Variants in NME7 observed in about 807,000 individuals in gnomAD.
The protein encoded by NME7 is NME/NM23 family member 7.
NME7 carries 41 observed loss-of-function variants against 49.1 expected under a neutral mutation model. The observed-to-expected ratio is 0.83, with a 90% CI of 0.65 to 1.08. NME7 has a LOEUF of 1.08. Among genes scored for constraint, NME7 ranks in the 50% least tolerant of loss-of-function variants. The probability of loss-of-function intolerance (pLI) is 0.00; values close to 1 mark genes in which losing one functional copy is unlikely to be tolerated. For missense variants in NME7, 423 were observed against 463.4 expected, an observed-to-expected ratio of 0.91 and a Z score of 0.80; for synonymous variants, 139 against 150.6, an observed-to-expected ratio of 0.92 and a Z score of 0.56.
intron 10 of NME7, among the ~76,000 whole-genome samples, chr1:169,171,513 A>C (rs1251274656): frequency 2.0e-5 from 3 of 152,226 alleles, no homozygotes; most frequent in Non-Finnish European, 4.4e-5. Context: ...CTGTAATCCC[A>C]GCACTTTGGG....
rs1647479807 is a variant in NME7, at chr1:169,229,122, TG to T, written c.990+1595del. ...GCATACAAGGAATTCCAATTTCCTA[TG>T]ATATGGGATTCAAATTAAATAGAAT... On this transcript the variant is annotated intron_variant, in intron 10 of 11. Coordinates refer to ENST00000367811, the MANE Select transcript of NME7 (RefSeq NM_013330.5). Among the ~76,000 whole-genome samples the T allele has an allele frequency of 7.2e-5, 11 of 152,358 alleles. No homozygotes were observed. In the South Asian group the frequency reaches 2.3e-3, roughly 32 times the overall value.
intron 3 of NME7, among the ~76,000 whole-genome samples, chr1:169,319,771 C>T (rs1306063165): frequency 6.6e-6 from 1 of 152,146 alleles, no homozygotes; most frequent in Admixed American, 6.5e-5. Context: ...TATTTAACAT[C>T]TACTATAATG....
At chr1:169,185,029 A>T (rs1340823839) in intron 10 of NME7, among the ~76,000 whole-genome samples, 1 of 152,168 alleles carries the variant, frequency 6.6e-6, no homozygotes, top group East Asian at 1.9e-4. Flanking sequence ...AGGGGAGCAC[A>T]AAAGAGGGAA....
chr1:169,287,142 A>G, intron 7 of NME7, 161 bp downstream of exon 7: 1 of 614,414 alleles, frequency 1.6e-6, no homozygotes, highest in South Asian at 2.2e-5. Context: ...AGATTTAGAC[A>G]GATTTTCCCT....
chr1:169,241,102 T>C (rs1648068347), intron 7 of NME7, among the ~76,000 whole-genome samples: 1 of 152,132 alleles, frequency 6.6e-6, no homozygotes, highest in Admixed American at 6.6e-5. Flanking sequence ...CACAAATGCT[T>C]TTCCTTAAAA....
chr1:169,200,520 C>T (rs182170680), intron 10 of NME7, among the ~76,000 whole-genome samples: 28 of 152,204 alleles, frequency 1.8e-4, no homozygotes, highest in Non-Finnish European at 3.5e-4. Context: ...AAGGGCTCCC[C>T]TGTGAGATTG....
At chr1:169,317,544 A>T (rs1651693903) in intron 3 of NME7, among the ~76,000 whole-genome samples, 1 of 152,200 alleles carries the variant, frequency 6.6e-6, no homozygotes, top group South Asian at 2.1e-4. Flanking sequence ...GGCCTCTGTT[A>T]CTGAACTAAG....
intron 11 of NME7, among the ~76,000 whole-genome samples, chr1:169,167,113 A>G (rs991414752): frequency 1.3e-5 from 2 of 152,234 alleles, no homozygotes; most frequent in African/African-American, 4.8e-5. Flanking sequence ...AAGTTCAGAA[A>G]CAGGCAAGGA....
At chr1:169,294,573 G>A (rs1650633426) in intron 6 of NME7, among the ~76,000 whole-genome samples, 1 of 152,074 alleles carries the variant, frequency 6.6e-6, no homozygotes, top group Non-Finnish European at 1.5e-5. Flanking sequence ...AATTTTTTAA[G>A]ACCTGTGGTC....
chr1:169,245,390 C>T (rs1648270071), intron 7 of NME7, among the ~76,000 whole-genome samples: 1 of 152,132 alleles, frequency 6.6e-6, no homozygotes, highest in African/African-American at 2.4e-5. Flanking sequence ...TTTAAAGAAG[C>T]GACCAGGCTG....
At chr1:169,169,105 A>G (rs768044957) in intron 11 of NME7, 1 of 466,850 alleles carries the variant, frequency 2.1e-6, no homozygotes, top group Non-Finnish European at 4.1e-6. Context: ...AAAGCTATGC[A>G]GCATGCTACA....
At chr1:169,215,003 T>C (rs1266504530) in intron 10 of NME7, among the ~76,000 whole-genome samples, 1 of 152,228 alleles carries the variant, frequency 6.6e-6, no homozygotes, top group African/African-American at 2.4e-5. Flanking sequence ...TATTCACACT[T>C]GGTGGGCCCC....
intron 5 of NME7, among the ~76,000 whole-genome samples, chr1:169,301,286 A>G (rs1404448223): frequency 6.6e-6 from 1 of 152,206 alleles, no homozygotes; most frequent in Non-Finnish European, 1.5e-5. Context: ...ACACTTCTCA[A>G]AAGAACATAC....
At chr1:169,157,372 G>A (rs1659108716) in intron 11 of NME7, among the ~76,000 whole-genome samples, 2 of 152,176 alleles carry the variant, frequency 1.3e-5, no homozygotes, top group Non-Finnish European at 2.9e-5. Context: ...TTGGTCCCCT[G>A]TACACCTCTG....
At chr1:169,323,070 A>C in intron 3 of NME7, 47 bp downstream of exon 3, 1 of 1,427,842 alleles carries the variant, frequency 7.0e-7, no homozygotes, top group Non-Finnish European at 9.3e-7. Flanking sequence ...ATTGACTTTG[A>C]ACCCAAAGTT....
At chr1:169,302,900 T>G (rs1402016945) in intron 5 of NME7, among the ~76,000 whole-genome samples, 2 of 152,234 alleles carry the variant, frequency 1.3e-5, no homozygotes, top group African/African-American at 4.8e-5. Context: ...TTATCCTTCT[T>G]GTAATGTAAA....
At chr1:169,343,634 G>A (rs1471975560) in intron 1 of NME7, among the ~76,000 whole-genome samples, 3 of 152,038 alleles carry the variant, frequency 2.0e-5, no homozygotes, top group Non-Finnish European at 4.4e-5. Context: ...TGGGACTACA[G>A]GCACATGCCA....
chr1:169,355,666 C>A (rs1653445701), intron 1 of NME7, among the ~76,000 whole-genome samples: 1 of 151,834 alleles, frequency 6.6e-6, no homozygotes, highest in South Asian at 2.1e-4. Flanking sequence ...CAGGGCTCTC[C>A]ACATCATCAC....
intron 6 of NME7, among the ~76,000 whole-genome samples, chr1:169,291,849 A>T (rs976765562): frequency 4.6e-5 from 7 of 152,008 alleles, no homozygotes; most frequent in African/African-American, 1.7e-4. Context: ...AGTTTTTTTT[A>T]GACACAATGC....
Sources: gnomAD v4.1 joint callset for allele counts (sites outside exome capture counted in the v4.1 genomes callset) on GRCh38, gnomAD v4.1.1 for gene constraint, MANE v1.5 for transcripts, NCBI Gene and HGNC (gene_info 2026-07-23, HGNC 2026-07-21) for gene names.